Variants in ZNF813 observed in about 807,000 individuals in gnomAD.
The protein encoded by ZNF813 is zinc finger protein 813.
ZNF813 carries 3 observed loss-of-function variants against 7.2 expected under a neutral mutation model. The ratio of observed to expected loss-of-function variants is 0.42; its 90% CI spans 0.19 to 1.08. ZNF813 has a LOEUF of 1.08. ZNF813 is among the 50% of genes least tolerant of loss of function. The pLI, the probability that ZNF813 is intolerant of heterozygous loss-of-function variation, is 0.30. For missense variants in ZNF813, 714 were observed against 753.3 expected (o/e 0.95, Z 0.61); for synonymous variants, 227 against 256.3 (o/e 0.89, Z 1.09).
intron 1 of ZNF813, among the ~76,000 whole-genome samples, chr19:53,474,375 A>C (rs1259663363): frequency 6.6e-6 from 1 of 152,192 alleles, no homozygotes; most frequent in Non-Finnish European, 1.5e-5. Context: ...ATGACAGCAG[A>C]GAGCCACAGC....
At chr19:53,479,892 A>G in intron 1 of ZNF813, 2 of 934,138 alleles carry the variant, frequency 2.1e-6, no homozygotes, top group Non-Finnish European at 3.5e-6. Context: ...CAAAAAGAAG[A>G]CAAATGTGAG....
At chr19:53,478,324 C>T (rs2086391352) in intron 1 of ZNF813, among the ~76,000 whole-genome samples, 1 of 152,014 alleles carries the variant, frequency 6.6e-6, no homozygotes, top group Admixed American at 6.6e-5. Flanking sequence ...CGTGAGCCAC[C>T]AAGTCGGACA....
chr19:53,488,321 C>T (rs1255843192), intron 3 of ZNF813: 2 of 441,186 alleles, frequency 4.5e-6, no homozygotes, highest in South Asian at 3.2e-5. Flanking sequence ...CCGCGCCCTG[C>T]CTGTCTGTCT....
At chr19:53,484,558 TATG>T (rs937066502) in intron 2 of ZNF813, among the ~76,000 whole-genome samples, 3 of 152,190 alleles carry the variant, frequency 2.0e-5, no homozygotes, top group African/African-American at 7.2e-5. Flanking sequence ...ATTATTAAAT[TATG>T]ATAATATTAT....
At chr19:53,475,270 G>A (rs1399450914) in intron 1 of ZNF813, among the ~76,000 whole-genome samples, 2 of 152,232 alleles carry the variant, frequency 1.3e-5, no homozygotes, top group Non-Finnish European at 2.9e-5. Flanking sequence ...TTGAGCTGAT[G>A]TTCCGGTAGG....
chr19:53,475,480 A>C (rs1434678535), intron 1 of ZNF813, among the ~76,000 whole-genome samples: 2 of 152,290 alleles, frequency 1.3e-5, no homozygotes, highest in Non-Finnish European at 2.9e-5. Flanking sequence ...TGCCTGTTCG[A>C]CTGGGAGCAG....
At chr19:53,484,392 A>G (rs771542649) in intron 2 of ZNF813, among the ~76,000 whole-genome samples, 11 of 152,198 alleles carry the variant, frequency 7.2e-5, no homozygotes, top group Non-Finnish European at 1.2e-4. Flanking sequence ...GTTTTATCCC[A>G]TCATTACTTT....
chr19:53,482,292 C>A (rs1378411564), intron 1 of ZNF813, among the ~76,000 whole-genome samples: 2 of 152,178 alleles, frequency 1.3e-5, no homozygotes, highest in African/African-American at 4.8e-5. Flanking sequence ...GACATCACAG[C>A]AAAATCTAAA....
chr19:53,484,715 T>C lies in ZNF813; in HGVS notation c.15+878T>C, dbSNP rs1363466733. Among the ~76,000 whole-genome samples, 7 of 152,220 alleles carry C rather than the reference T, an allele frequency of 4.6e-5. No individual in the cohort carries two copies. In the East Asian group the frequency reaches 7.7e-4, roughly 17 times the overall value. On this transcript the variant is annotated intron_variant, in intron 2 of 3. Transcript: ENST00000396403. ...AAGTAGCTGGGATTATAGGCGTGCGTCACCCCGCCCAGCTAATTTTGTTGT... is the reference window on the plus strand; with the variant it reads ...AAGTAGCTGGGATTATAGGCGTGCGCCACCCCGCCCAGCTAATTTTGTTGT...
At chr19:53,475,511 T>C (rs1437921555) in intron 1 of ZNF813, among the ~76,000 whole-genome samples, 1 of 152,282 alleles carries the variant, frequency 6.6e-6, no homozygotes, top group Non-Finnish European at 1.5e-5. Context: ...TTAGGGTGTT[T>C]ACTGTTCTAA....
At position 53,490,759 on chromosome 19, in the gene ZNF813, C is replaced by G; in HGVS notation, c.527C>G (p.Thr176Arg). The G allele has an allele frequency of 6.2e-7, 1 of 1,614,184 alleles. No homozygotes were observed. Among genetic ancestry groups the G allele is most frequent in the Non-Finnish European group, 8.5e-7 (1 of 1,180,038 alleles). The change falls in exon 4 of 4, where the codon ACA becomes AGA. Residue 176 changes from threonine to arginine, a missense_variant. By Grantham distance (71) the Thr-to-Arg change is moderately conservative. Coordinates refer to ENST00000396403, the MANE Select transcript of ZNF813 (RefSeq NM_001004301.4). The stretch of plus-strand genomic sequence containing the variant: ...ATCAACGATGCTTCCTCAATTTCAA[C>G]ATCCCAAAGAATTTCTTGTAGGCCC... ...KSINDASSISTSQRISCRPKT... is the reference protein window; with the variant it reads ...KSINDASSISRSQRISCRPKT...
In ZNF813 at chr19:53,492,024, C is replaced by G. The variant is rs768413389; in HGVS notation, c.1792C>G (p.His598Asp). 2.5e-6 allele frequency: 4 copies of G among 1,613,940 alleles called. No individual in the cohort carries two copies. Among genetic ancestry groups the G allele is most frequent in the South Asian group, 2.2e-5 (2 of 91,054 alleles). The change falls in exon 4 of 4, where the codon CAT becomes GAT. Residue 598 changes from histidine (H) to aspartate (D), a missense_variant. Around this residue, in one of 3 missense-constraint regions of ZNF813, gnomAD observed 122 missense variants for 146.8 expected, o/e 0.83. Transcript: ENST00000396403. ...TCAAAAAGCAAACCTTGCACGTCATCATAGACTTCATACTGGAGAGAAACC... is the reference window on the plus strand; with the variant it reads ...TCAAAAAGCAAACCTTGCACGTCATGATAGACTTCATACTGGAGAGAAACC... ...FNQKANLARH[H>D]RLHTGEKPYK...
chr19:53,479,646 A>G (rs2086398014), intron 1 of ZNF813: 2 of 1,221,076 alleles, frequency 1.6e-6, no homozygotes, highest in East Asian at 2.3e-5. Flanking sequence ...GGGCCTTAAA[A>G]GATGAAGAAG....
chr19:53,469,923 G>C (rs1288756753), intron 1 of ZNF813, among the ~76,000 whole-genome samples: 1 of 151,658 alleles, frequency 6.6e-6, no homozygotes, highest in Non-Finnish European at 1.5e-5. Context: ...GTTTACTTAA[G>C]GTACGCACCG....
chr19:53,492,195 A>G lies in ZNF813; in HGVS notation c.*109A>G, dbSNP rs986995956. 3.4e-6 allele frequency: 5 copies of G among 1,485,320 alleles called. No individual in the cohort carries two copies. The highest frequency in any genetic ancestry group is 1.4e-5 in the African/African-American group (1 of 70,984). The allele number at this position is 1,485,320 out of a possible 1,614,324, so 92.0% of individuals were successfully genotyped here. On this transcript the variant is annotated 3_prime_UTR_variant, in exon 4 of 4. Coordinates refer to ENST00000396403, the MANE Select transcript of ZNF813 (RefSeq NM_001004301.4). ...CAGTCCTTGTAATTCATAAGAATTC[A>G]TACTGGAGAGAAACAAGTGTAATGA...
At chr19:53,488,877 G>A (rs957405921) in intron 3 of ZNF813, among the ~76,000 whole-genome samples, 1 of 152,120 alleles carries the variant, frequency 6.6e-6, no homozygotes, top group South Asian at 2.1e-4. Flanking sequence ...GAATTCTGCA[G>A]GTTGTATAAA....
intron 1 of ZNF813, among the ~76,000 whole-genome samples, chr19:53,472,609 TTC>T (rs749874852): frequency 5.5e-5 from 8 of 145,848 alleles, no homozygotes; most frequent in Admixed American, 1.4e-4. Context: ...GTACAAGTCT[TTC>T]TTTTTTTTTT....
At chr19:53,479,384 G>C in intron 1 of ZNF813, 1 of 1,590,302 alleles carries the variant, frequency 6.3e-7, no homozygotes, top group Non-Finnish European at 8.5e-7. Flanking sequence ...GCAGTGAAGC[G>C]CAAGATCCAG....
At position 53,493,158 on chromosome 19, in the gene ZNF813, A is replaced by G; in HGVS notation, c.*1072A>G. On this transcript the variant is annotated 3_prime_UTR_variant, in exon 4 of 4. Coordinates refer to ENST00000396403, the MANE Select transcript of ZNF813 (RefSeq NM_001004301.4). ...GTAATCCCAGCACTTTGGGAGGCCA[A>G]GGCGGGTAGATCACTTGAGGTCAGG... 1 of 233,436 alleles carries G rather than the reference A, an allele frequency of 4.3e-6. No homozygotes were observed. Among genetic ancestry groups the G allele is most frequent in the Non-Finnish European group, 8.6e-6 (1 of 116,452 alleles). The allele number at this position is 233,436 out of a possible 1,614,324, so 14.5% of individuals were successfully genotyped here. A position where few individuals can be genotyped will look rare whatever the true frequency, so the allele number is the denominator to read the frequency against.
Sources: allele counts gnomAD v4.1 joint callset (sites outside exome capture counted in the v4.1 genomes callset), GRCh38; gene constraint gnomAD v4.1.1; regional missense constraint gnomAD v4.1.1; transcripts MANE v1.5; gene names NCBI Gene and HGNC (gene_info 2026-07-23, HGNC 2026-07-21).